RBFOX1: variants seen among roughly 807,000 people sequenced by gnomAD.
The protein encoded by RBFOX1 is RNA binding protein fox-1 homolog 1.
RBFOX1 carries 8 observed loss-of-function variants against 57.7 expected under a neutral mutation model. The ratio of observed to expected loss-of-function variants is 0.14; its 90% CI spans 0.08 to 0.25. The LOEUF (loss-of-function observed/expected upper bound fraction) is 0.25. Ranked by LOEUF, RBFOX1 falls within the 10% of genes least tolerant of loss-of-function variation. The pLI is 1.00. For synonymous variants in RBFOX1, 326 were observed against 222.4 expected, an observed-to-expected ratio of 1.47 and a Z score of -4.15; for missense variants, 611 against 548.5, an observed-to-expected ratio of 1.11 and a Z score of -1.14.
chr16:6,903,715 A>G (rs76620552), intron 3 of RBFOX1, among the ~76,000 whole-genome samples: 1 of 152,090 alleles, frequency 6.6e-6, no homozygotes, highest in Non-Finnish European at 1.5e-5. Flanking sequence ...CAGAGCAAGC[A>G]CTGGGAGGGA....
intron 4 of RBFOX1, among the ~76,000 whole-genome samples, chr16:7,252,162 A>G (rs1014742090): frequency 6.6e-6 from 1 of 152,196 alleles, no homozygotes; most frequent in African/African-American, 2.4e-5. Flanking sequence ...GAGAACTCCT[A>G]TTTCTTACAT....
intron 2 of RBFOX1, among the ~76,000 whole-genome samples, chr16:6,490,806 C>T (rs909129341): frequency 6.6e-6 from 1 of 152,112 alleles, no homozygotes; most frequent in Non-Finnish European, 1.5e-5. Context: ...ATTTCAGGCC[C>T]AATAAACTCA....
chr16:5,918,840 A>G (rs1446235826), intron 4 of RBFOX1, among the ~76,000 whole-genome samples: 1 of 152,188 alleles, frequency 6.6e-6, no homozygotes, highest in Non-Finnish European at 1.5e-5. Context: ...CCAGAGTAAG[A>G]AGCAACACTT....
Position 6,570,637 on chromosome 16 carries a change from C to T in RBFOX1, c.-63-83966C>T, listed in dbSNP as rs573980407. On this transcript the variant is annotated intron_variant, in intron 2 of 15. Coordinates refer to ENST00000550418, the MANE Select transcript of RBFOX1 (RefSeq NM_018723.4). ...TTTTTAACAGCATATAAAGACAAAG[C>T]ACCTTTTTATTTAGGCTTGGCTAAA... 4.6e-5 allele frequency among the ~76,000 whole-genome samples: 7 copies of T among 152,170 alleles called. No individual in the cohort carries two copies. The South Asian group carries it at 1.2e-3, about 27-fold the overall frequency.
At chr16:5,812,138 C>T (rs766096113) in intron 3 of RBFOX1, among the ~76,000 whole-genome samples, 4 of 152,178 alleles carry the variant, frequency 2.6e-5, no homozygotes, top group African/African-American at 4.8e-5. Flanking sequence ...TTTTGTTGTG[C>T]GGTCATGTTC....
At chr16:6,676,466 G>C (rs1409029748) in intron 3 of RBFOX1, among the ~76,000 whole-genome samples, 1 of 152,040 alleles carries the variant, frequency 6.6e-6, no homozygotes, top group Non-Finnish European at 1.5e-5. Context: ...AGAGGAGGCA[G>C]AAAGGTCCTG....
intron 3 of RBFOX1, among the ~76,000 whole-genome samples, chr16:5,859,206 CAAACAA>C (rs536807646): frequency 2.6e-5 from 4 of 151,940 alleles, no homozygotes; most frequent in South Asian, 2.1e-4. Flanking sequence ...CTCTGTCTCA[CAAACAA>C]AAACAAAAAC....
chr16:6,315,550 TG>T, intron 1 of RBFOX1, among the ~76,000 whole-genome samples: 1 of 133,918 alleles, frequency 7.5e-6, no homozygotes, highest in South Asian at 2.4e-4. Context: ...GATGGATGGA[TG>T]GATGGATGGA....
chr16:6,942,919 C>G (rs759602565), intron 3 of RBFOX1, among the ~76,000 whole-genome samples: 1 of 152,194 alleles, frequency 6.6e-6, no homozygotes, highest in African/African-American at 2.4e-5. Flanking sequence ...GTGGTACCGA[C>G]AGGGCTCGCA....
intron 1 of RBFOX1, among the ~76,000 whole-genome samples, chr16:5,320,683 G>A (rs1365276278): frequency 6.6e-6 from 1 of 152,178 alleles, no homozygotes; most frequent in Non-Finnish European, 1.5e-5. Flanking sequence ...GTGTAGCCAC[G>A]GGAATCTTCT....
intron 1 of RBFOX1, among the ~76,000 whole-genome samples, chr16:5,426,684 C>A (rs1321332437): frequency 6.6e-6 from 1 of 152,240 alleles, no homozygotes; most frequent in Non-Finnish European, 1.5e-5. Flanking sequence ...GAGGGAACAG[C>A]TGCTTCTTGT....
At chr16:6,866,706 T>A (rs1223714839) in intron 3 of RBFOX1, among the ~76,000 whole-genome samples, 1 of 151,892 alleles carries the variant, frequency 6.6e-6, no homozygotes, top group Non-Finnish European at 1.5e-5. Context: ...CACGCCTGGC[T>A]GATTTTTTTG....
At chr16:7,616,990 TAA>T (rs200937855) in intron 10 of RBFOX1, among the ~76,000 whole-genome samples, 30 of 142,444 alleles carry the variant, frequency 2.1e-4, no homozygotes, top group South Asian at 8.8e-4. Context: ...GCACAACCAT[TAA>T]AAAAAAAAAA....
chr16:6,035,718 G>A (rs1375497501), intron 1 of RBFOX1, among the ~76,000 whole-genome samples: 1 of 152,092 alleles, frequency 6.6e-6, no homozygotes, highest in African/African-American at 2.4e-5. Context: ...AGAATCCTCA[G>A]TGCATCTCTC....
intron 4 of RBFOX1, among the ~76,000 whole-genome samples, chr16:7,178,144 A>C (rs779024501): frequency 6.6e-6 from 1 of 152,352 alleles, no homozygotes; most frequent in East Asian, 1.9e-4. Flanking sequence ...AACAACAACA[A>C]CAAACAAAAA....
intron 3 of RBFOX1, among the ~76,000 whole-genome samples, chr16:7,025,303 G>C (rs987377488): frequency 1.3e-5 from 2 of 152,142 alleles, no homozygotes; most frequent in East Asian, 3.9e-4. Context: ...GAGTATAGCA[G>C]TGAGGACGAC....
At chr16:5,768,929 A>T (rs2053883163) in intron 3 of RBFOX1, among the ~76,000 whole-genome samples, 1 of 152,092 alleles carries the variant, frequency 6.6e-6, no homozygotes, top group Non-Finnish European at 1.5e-5. Context: ...GGTTTAGATT[A>T]TCAGATGAAA....
At chr16:7,426,546 G>T (rs1292467618) in intron 4 of RBFOX1, among the ~76,000 whole-genome samples, 1 of 152,202 alleles carries the variant, frequency 6.6e-6, no homozygotes, top group African/African-American at 2.4e-5. Context: ...GAAGGAGAGG[G>T]AGAAAGCATG....
At chr16:7,056,216 C>A (rs949622592) in intron 4 of RBFOX1, among the ~76,000 whole-genome samples, 1 of 152,172 alleles carries the variant, frequency 6.6e-6, no homozygotes, top group African/African-American at 2.4e-5. Context: ...TTACTCCCAA[C>A]AGTAGGGTCA....
Sources: gnomAD v4.1 joint callset for allele counts (sites outside exome capture counted in the v4.1 genomes callset) on GRCh38, gnomAD v4.1.1 for gene constraint, MANE v1.5 for transcripts, NCBI Gene and HGNC (gene_info 2026-07-23, HGNC 2026-07-21) for gene names.